RNLS: variants seen among roughly 807,000 people sequenced by gnomAD.
RNLS encodes the protein renalase.
RNLS carries 39 observed loss-of-function variants against 39.8 expected under a neutral mutation model. That is an observed-to-expected ratio of 0.98 (90% CI 0.76 to 1.28). RNLS has a LOEUF of 1.28. RNLS is among the 50% of genes most tolerant of loss of function. The probability of loss-of-function intolerance (pLI) is 0.00; values close to 1 mark genes in which losing one functional copy is unlikely to be tolerated. For synonymous variants in RNLS, 147 were observed against 150.7 expected (o/e 0.98, Z 0.18); for missense variants, 410 against 413.3 (o/e 0.99, Z 0.07).
chr10:88,366,985 T>C (rs1464028653), intron 4 of RNLS, among the ~76,000 whole-genome samples: 1 of 151,918 alleles, frequency 6.6e-6, no homozygotes, highest in Admixed American at 6.6e-5. Context: ...GAATTGCTAA[T>C]AAAAGTCAAC....
chr10:88,252,337 C>T, the RNLS span, among the ~76,000 whole-genome samples: 1 of 152,188 alleles, frequency 6.6e-6, no homozygotes, highest in African/African-American at 2.4e-5. Flanking sequence ...ATCAGAAAGT[C>T]AGATTTTATA....
intron 3 of RNLS, among the ~76,000 whole-genome samples, chr10:88,577,071 G>A (rs1850253437): frequency 6.6e-6 from 1 of 152,114 alleles, no homozygotes. Context: ...CATTTTCCAT[G>A]TCATAGGCAG....
At chr10:88,317,983 A>C (rs1192845425) in intron 5 of RNLS, among the ~76,000 whole-genome samples, 1 of 152,202 alleles carries the variant, frequency 6.6e-6, no homozygotes, top group Non-Finnish European at 1.5e-5. Flanking sequence ...ATCACGGGCA[A>C]TGCTGTCAGT....
intron 5 of RNLS, among the ~76,000 whole-genome samples, chr10:88,351,810 A>C (rs1201500201): frequency 6.6e-6 from 1 of 152,170 alleles, no homozygotes; most frequent in Non-Finnish European, 1.5e-5. Flanking sequence ...GGCCATTTTC[A>C]TGATATTGAT....
the RNLS span, among the ~76,000 whole-genome samples, chr10:88,176,792 A>C: frequency 6.6e-6 from 1 of 152,088 alleles, no homozygotes; most frequent in African/African-American, 2.4e-5. Context: ...CTTTTAATTT[A>C]TGAATTCCCT....
chr10:88,218,482 A>T, the RNLS span, among the ~76,000 whole-genome samples: 1 of 152,186 alleles, frequency 6.6e-6, no homozygotes, highest in Non-Finnish European at 1.5e-5. Context: ...CACCAGAAGT[A>T]TTCATTTCCT....
intron 5 of RNLS, among the ~76,000 whole-genome samples, chr10:88,350,412 C>G (rs1183875231): frequency 6.6e-6 from 1 of 151,910 alleles, no homozygotes; most frequent in Non-Finnish European, 1.5e-5. Flanking sequence ...CCCTGGTGTG[C>G]GATGTTCTCC....
chr10:88,448,100 A>G (rs539832910), intron 4 of RNLS, among the ~76,000 whole-genome samples: 14 of 152,238 alleles, frequency 9.2e-5, no homozygotes, highest in Non-Finnish European at 2.1e-4. Flanking sequence ...AGGCATGGGC[A>G]AGGACTTCAT....
intron 4 of RNLS, among the ~76,000 whole-genome samples, chr10:88,448,914 C>T (rs1274355166): frequency 6.6e-6 from 1 of 152,190 alleles, no homozygotes; most frequent in South Asian, 2.1e-4. Flanking sequence ...GAGCCAAACA[C>T]TGCATGTTCT....
At chr10:88,224,052 A>T in the RNLS span, among the ~76,000 whole-genome samples, 2 of 145,586 alleles carry the variant, frequency 1.4e-5, no homozygotes, top group African/African-American at 5.1e-5. Context: ...AAAAAAAAAA[A>T]GGTAAGGAGA....
Position 88,275,062 on chromosome 10 carries a change from C to T in RNLS, c.877-30G>A, listed in dbSNP as rs752484264. 4 of 1,538,002 alleles carry T rather than the reference C, an allele frequency of 2.6e-6. No individual in the cohort carries two copies. The South Asian group carries it at 3.4e-5, about 13-fold the overall frequency. ...AAATCAAAGGAATATCCTTCAACCC[C>T]AGTGCCACCCAACACAATGGCCTCT... On this transcript the variant is annotated intron_variant, in intron 6 of 6. Coordinates refer to the RNLS transcript ENST00000371947.
At chr10:88,226,098 C>G in the RNLS span, among the ~76,000 whole-genome samples, 2 of 152,258 alleles carry the variant, frequency 1.3e-5, no homozygotes, top group South Asian at 2.1e-4. Flanking sequence ...AACTTTTGAA[C>G]TGTTGAAGTT....
At chr10:88,195,135 T>G in the RNLS span, among the ~76,000 whole-genome samples, 125,423 of 151,724 alleles carry the variant, frequency 0.83, 51,880 homozygotes, top group South Asian at 0.84. Context: ...GGTCTGTGCG[T>G]CTTCTTTTTC....
chr10:88,206,667 G>A, the RNLS span, among the ~76,000 whole-genome samples: 8 of 152,018 alleles, frequency 5.3e-5, no homozygotes, highest in Non-Finnish European at 7.4e-5. Context: ...TGGTTGCTGC[G>A]GTAGATTGCT....
chr10:88,284,588 A>G lies in RNLS; in HGVS notation c.*766T>C, dbSNP rs10749571. 0.89 allele frequency: 875,985 copies of G among 985,022 alleles called. 389,770 individuals are homozygous for G. The highest frequency in any genetic ancestry group is 0.91 in the South Asian group (19,290 of 21,276). The allele number at this position is 985,022 out of a possible 1,614,324, so 61.0% of individuals were successfully genotyped here. A position where few individuals can be genotyped will look rare whatever the true frequency, so the allele number is the denominator to read the frequency against. Reference sequence around the variant, plus strand: ...TAAATGCCACAGCACATACTGGAGAACCCATAAAGTAACAGCAACAGCTAT... The same window carrying G: ...TAAATGCCACAGCACATACTGGAGAGCCCATAAAGTAACAGCAACAGCTAT... On this transcript the variant is annotated 3_prime_UTR_variant, in exon 7 of 7. Transcript: ENST00000331772.
At chr10:88,493,750 G>A (rs1398885526) in intron 4 of RNLS, among the ~76,000 whole-genome samples, 1 of 152,000 alleles carries the variant, frequency 6.6e-6, no homozygotes, top group Non-Finnish European at 1.5e-5. Flanking sequence ...AAGGTCAACA[G>A]CTTAAGAGGC....
rs1843135752 is a variant in RNLS at position 88,284,452 on chromosome 10, G to C, written c.*902C>G. The stretch of plus-strand genomic sequence containing the variant: ...GTGGGGTCAGGTCACTGAAGCATGT[G>C]GGTGATATGCTGAACCACCAACTTG... On this transcript the variant is annotated 3_prime_UTR_variant, in exon 7 of 7. Coordinates refer to ENST00000331772, the MANE Select transcript of RNLS (RefSeq NM_001031709.3). 1.0e-6 allele frequency: 1 copy of C among 985,146 alleles called. No individual in the cohort carries two copies. Among genetic ancestry groups the C allele is most frequent in the Non-Finnish European group, 1.2e-6 (1 of 829,862 alleles). The allele number at this position is 985,146 out of a possible 1,614,324, so 61.0% of individuals were successfully genotyped here.
At chr10:88,273,649 A>G (rs1842712072), downstream of RNLS, among the ~76,000 whole-genome samples, 1 of 152,202 alleles carries the variant, frequency 6.6e-6, no homozygotes. Flanking sequence ...ACATATTGCA[A>G]ATAAACCATC....
At chr10:88,288,281 C>T (rs1273448931) in intron 6 of RNLS, among the ~76,000 whole-genome samples, 1 of 151,962 alleles carries the variant, frequency 6.6e-6, no homozygotes, top group Non-Finnish European at 1.5e-5. Context: ...TACTACTTGC[C>T]CAAAGACGGA....
Sources: allele counts gnomAD v4.1 joint callset (sites outside exome capture counted in the v4.1 genomes callset), GRCh38; gene constraint gnomAD v4.1.1; transcripts MANE v1.5; gene names NCBI Gene and HGNC (gene_info 2026-07-23, HGNC 2026-07-21).